Variants in KMT2C observed in about 807,000 individuals in gnomAD.
KMT2C encodes the protein lysine methyltransferase 2C.
A neutral mutation model predicts 507.9 loss-of-function variants in KMT2C; 88 were observed. The ratio of observed to expected loss-of-function variants is 0.17; its 90% confidence interval spans 0.15 to 0.21. KMT2C has a LOEUF of 0.21. Among genes scored for constraint, KMT2C ranks in the 10% least tolerant of loss-of-function variants. The probability of loss-of-function intolerance (pLI) is 1.00; values close to 1 mark genes in which losing one functional copy is unlikely to be tolerated. For missense variants in KMT2C, 4,954 were observed against 5,957.8 expected, an observed-to-expected ratio of 0.83 and a Z score of 5.55; for synonymous variants, 2,049 against 2,080.8, an observed-to-expected ratio of 0.98 and a Z score of 0.42.
intron 1 of KMT2C, chr7:152,368,130 A>T: frequency 1.1e-6 from 1 of 932,456 alleles, no homozygotes; most frequent in Admixed American, 1.7e-5. Context: ...TTAATGGCAA[A>T]AGGGTCAAAG....
rs193134052 is a variant in KMT2C at position 152,392,676 on chromosome 7, G to A, written c.162-34001C>T. Among the ~76,000 whole-genome samples the A allele has an allele frequency of 2.7e-3, 414 of 152,244 alleles. 1 individual carries two copies. The highest frequency in any genetic ancestry group is 9.5e-3 in the African/African-American group (393 of 41,528). ...GTGAATGCCCTCCCCAGCACAACAA[G>A]AACGGAGCTGTACAATGAAGTGGTC... On this transcript the variant is annotated intron_variant, in intron 1 of 58. Transcript: ENST00000262189.
chr7:152,355,427 A>T (rs778135445), intron 2 of KMT2C, among the ~76,000 whole-genome samples: 5 of 152,190 alleles, frequency 3.3e-5, no homozygotes, highest in African/African-American at 4.8e-5. Context: ...AGTCATTAGC[A>T]TTTAGATAAC....
At chr7:152,419,276 G>A (rs1019457445) in intron 1 of KMT2C, among the ~76,000 whole-genome samples, 1 of 152,032 alleles carries the variant, frequency 6.6e-6, no homozygotes, top group Non-Finnish European at 1.5e-5. Context: ...ACTTGAACTC[G>A]GGAGGCGGAG....
At chr7:152,350,733 A>G (rs2097103919) in intron 2 of KMT2C, among the ~76,000 whole-genome samples, 1 of 152,204 alleles carries the variant, frequency 6.6e-6, no homozygotes, top group African/African-American at 2.4e-5. Flanking sequence ...AGGCTTTATA[A>G]ACACTGTACA....
chr7:152,139,396 GCACAGATGA>G, intron 56 of KMT2C, 137 bp from the exon 57 acceptor site: 1 of 748,016 alleles, frequency 1.3e-6, no homozygotes. Flanking sequence ...ATTCTATTAG[GCACAGATGA>G]CATTTACATG....
intron 1 of KMT2C, among the ~76,000 whole-genome samples, chr7:152,397,708 T>C (rs1450381148): frequency 2.0e-5 from 3 of 152,098 alleles, no homozygotes; most frequent in African/African-American, 4.8e-5. Context: ...AATTGAATCA[T>C]AGGGGTGGTT....
intron 1 of KMT2C, among the ~76,000 whole-genome samples, chr7:152,396,359 T>C (rs1309895992): frequency 6.6e-6 from 1 of 152,114 alleles, no homozygotes; most frequent in Non-Finnish European, 1.5e-5. Flanking sequence ...CTTCAAGAAA[T>C]CGAGATAATA....
chr7:152,319,837 C>T (rs2096755966), intron 3 of KMT2C, among the ~76,000 whole-genome samples: 1 of 152,100 alleles, frequency 6.6e-6, no homozygotes, highest in Non-Finnish European at 1.5e-5. Flanking sequence ...TCTCCCTTTC[C>T]CTCTCTCTGC....
intron 3 of KMT2C, among the ~76,000 whole-genome samples, chr7:152,324,579 T>C (rs1042672919): frequency 6.6e-6 from 1 of 151,862 alleles, no homozygotes; most frequent in Admixed American, 6.6e-5. Context: ...AGAAAAAAAT[T>C]TGGAAGTGGG....
intron 1 of KMT2C, among the ~76,000 whole-genome samples, chr7:152,431,228 T>C (rs529579328): frequency 6.6e-6 from 1 of 152,144 alleles, no homozygotes; most frequent in South Asian, 2.1e-4. Flanking sequence ...TATTAGTAAC[T>C]AATATGTAAA....
chr7:152,285,652 G>GA, intron 6 of KMT2C, among the ~76,000 whole-genome samples: 1 of 152,088 alleles, frequency 6.6e-6, no homozygotes, highest in Non-Finnish European at 1.5e-5. Flanking sequence ...TATACCCTTG[G>GA]AAAAAAAGCA....
chr7:152,355,738 T>A (rs1298436533), intron 2 of KMT2C, among the ~76,000 whole-genome samples: 1 of 152,072 alleles, frequency 6.6e-6, no homozygotes, highest in Admixed American at 6.5e-5. Flanking sequence ...ATAATTTTAG[T>A]AGAATGGGAG....
In KMT2C at chr7:152,276,093, T is replaced by C. The variant is rs915535634; in HGVS notation, c.850-2226A>G. ...ACTGGAATATATCTAACATACTAAT[T>C]TACAATATCATATAAAGATATCAGT... is the stretch of plus-strand genomic sequence containing the variant. On this transcript the variant is annotated intron_variant, in intron 6 of 58. Transcript: ENST00000262189. 2.0e-5 allele frequency among the ~76,000 whole-genome samples: 3 copies of C among 152,142 alleles called. No homozygotes were observed. In the South Asian group the frequency reaches 6.2e-4, roughly 32 times the overall value.
rs1428986247 is a variant in KMT2C, at chr7:152,146,766, G to A, written c.13895-31C>T. ...CAGGGACAAAAACATAATTTTTATA[G>A]GAAATAGGATACAGTATAAAAAACA... is the stretch of plus-strand genomic sequence containing the variant. On this transcript the variant is annotated intron_variant, in intron 52 of 58. Transcript: ENST00000262189. 1.9e-6 allele frequency: 3 copies of A among 1,598,374 alleles called. No individual in the cohort carries two copies. In the African/African-American group the frequency reaches 4.0e-5, roughly 21 times the overall value.
At chr7:152,166,118 C>T (rs185180263) in intron 42 of KMT2C, among the ~76,000 whole-genome samples, 8 of 150,570 alleles carry the variant, frequency 5.3e-5, no homozygotes, top group African/African-American at 2.0e-4. Flanking sequence ...TTATAGAGCA[C>T]TCACATTTTT....
Position 152,162,187 on chromosome 7 carries a change from C to G in KMT2C, c.11390G>C (p.Ser3797Thr). 2 of 1,612,624 alleles carry G rather than the reference C, an allele frequency of 1.2e-6. No individual in the cohort carries two copies. The highest frequency in any genetic ancestry group is 2.2e-5 in the East Asian group (1 of 44,884). ...SSLLNQKPEG[S>T]ICSEDDCTKD... ...TGTACAGTCATCTTCTGAACAAATACTGCCCTCAGGTTTTTGATTCAAAAG... is the reference window on the plus strand; with the variant it reads ...TGTACAGTCATCTTCTGAACAAATAGTGCCCTCAGGTTTTTGATTCAAAAG... Residue 3797 changes from serine to threonine, a missense_variant, in exon 43 of 59, where the codon AGT (serine) becomes ACT (threonine). Ser to Thr is a moderately conservative substitution (Grantham distance 58). Coordinates refer to ENST00000262189, the MANE Select transcript of KMT2C (RefSeq NM_170606.3).
intron 1 of KMT2C, chr7:152,368,528 A>G (rs184235112): frequency 1.5e-6 from 2 of 1,355,626 alleles, no homozygotes; most frequent in African/African-American, 2.9e-5. Flanking sequence ...TTGGAAGCAC[A>G]GCACAAAGAA....
chr7:152,334,140 C>T (rs554949721), intron 2 of KMT2C, among the ~76,000 whole-genome samples: 1 of 152,148 alleles, frequency 6.6e-6, no homozygotes, highest in South Asian at 2.1e-4. Context: ...CAAAGATGAA[C>T]AAGGCACATA....
chr7:152,372,683 T>C (rs1265116577), intron 1 of KMT2C, among the ~76,000 whole-genome samples: 1 of 152,176 alleles, frequency 6.6e-6, no homozygotes, highest in African/African-American at 2.4e-5. Context: ...TATAAATATA[T>C]ATACATGCCC....
Sources: allele counts gnomAD v4.1 joint callset (sites outside exome capture counted in the v4.1 genomes callset), GRCh38; gene constraint gnomAD v4.1.1; transcripts MANE v1.5; gene names NCBI Gene and HGNC (gene_info 2026-07-23, HGNC 2026-07-21).